The following CDC14A variants were observed in gnomAD, a reference collection of about 807,000 sequenced individuals.
The protein encoded by CDC14A is dual specificity protein phosphatase CDC14A.
Under a neutral mutation model 74.4 loss-of-function variants are expected in CDC14A, and 53 were observed. The observed-to-expected ratio is 0.71, with a 90% CI of 0.57 to 0.89. The LOEUF is 0.89. CDC14A is among the 40% of genes least tolerant of loss of function. The pLI, the probability that CDC14A is intolerant of heterozygous loss-of-function variation, is 0.00. For missense variants in CDC14A, 646 were observed against 713.7 expected (o/e 0.91, Z 1.08); for synonymous variants, 247 against 258.4 (o/e 0.96, Z 0.43).
At chr1:100,402,370 T>A (rs1424474824) in intron 4 of CDC14A, among the ~76,000 whole-genome samples, 21 of 152,288 alleles carry the variant, frequency 1.4e-4, no homozygotes, top group Non-Finnish European at 1.0e-4. Context: ...AGCTACAGGC[T>A]TCCAATCAAT....
At chr1:100,432,380 A>T (rs1195721897) in intron 5 of CDC14A, among the ~76,000 whole-genome samples, 1 of 152,256 alleles carries the variant, frequency 6.6e-6, no homozygotes, top group Non-Finnish European at 1.5e-5. Flanking sequence ...CGGACAATAT[A>T]GTCTGCAGCT....
At chr1:100,436,993 C>A (rs1664416904) in intron 5 of CDC14A, among the ~76,000 whole-genome samples, 1 of 152,138 alleles carries the variant, frequency 6.6e-6, no homozygotes, top group African/African-American at 2.4e-5. Flanking sequence ...CCAGACCAGT[C>A]TGGGCAACAT....
chr1:100,366,157 G>T (rs986998355), intron 2 of CDC14A, among the ~76,000 whole-genome samples: 1 of 152,082 alleles, frequency 6.6e-6, no homozygotes, highest in Non-Finnish European at 1.5e-5. Flanking sequence ...CAGCAGTGCT[G>T]GTAAAACATT....
In CDC14A at chr1:100,377,609, C is replaced by T; in HGVS notation, c.204C>T (p.Asn68=). Residue 68 remains asparagine, a synonymous_variant, in exon 3 of 16, where the codon AAC becomes AAT. Coordinates refer to ENST00000336454, the MANE Select transcript of CDC14A (RefSeq NM_003672.4). ...TGTACAGATATTGCTGCAAACTAAA[C>T]AAGAAACTAAAAGTGAGTATTGTAG... ...AMVYRYCCKL[N]KKLKSYSLSR... 2 of 1,610,906 alleles carry T rather than the reference C, an allele frequency of 1.2e-6. No homozygotes were observed. Among genetic ancestry groups the T allele is most frequent in the Non-Finnish European group, 8.5e-7 (1 of 1,177,404 alleles).
intron 4 of CDC14A, among the ~76,000 whole-genome samples, chr1:100,419,660 A>G (rs964673865): frequency 2.6e-5 from 4 of 152,090 alleles, no homozygotes; most frequent in African/African-American, 9.7e-5. Context: ...CTTTTTTGGC[A>G]TAAGTCTTCC....
Position 100,455,428 on chromosome 1 carries a change from C to T in CDC14A, c.543C>T (p.Asn181=). 1 of 1,603,130 alleles carries T rather than the reference C, an allele frequency of 6.2e-7. No individual in the cohort carries two copies. Among genetic ancestry groups the T allele is most frequent in the Non-Finnish European group, 8.5e-7 (1 of 1,176,566 alleles). Residue 181 remains asparagine, a synonymous_variant, in exon 8 of 16, where the codon AAC becomes AAT. Transcript: ENST00000336454. ...AGCGAGTTGAAAATGGTGACTTCAA[C>T]TGGATTGTTCCAGGAAAATTTTTAG... The part of the protein sequence containing the change: ...HYERVENGDF[N]WIVPGKFLAF...
chr1:100,448,025 G>A (rs552232035), intron 7 of CDC14A, among the ~76,000 whole-genome samples: 6 of 152,162 alleles, frequency 3.9e-5, no homozygotes, highest in Admixed American at 1.3e-4. Flanking sequence ...AGTGTGATGC[G>A]GTAGCAGTGT....
At chr1:100,452,289 A>G (rs768677258) in intron 7 of CDC14A, among the ~76,000 whole-genome samples, 9 of 152,122 alleles carry the variant, frequency 5.9e-5, no homozygotes, top group Non-Finnish European at 1.3e-4. Context: ...AGGTGGGTGG[A>G]TCATGAGGTC....
intron 1 of CDC14A, among the ~76,000 whole-genome samples, chr1:100,345,658 A>G (rs1245746132): frequency 1.3e-5 from 2 of 152,166 alleles, no homozygotes; most frequent in African/African-American, 4.8e-5. Flanking sequence ...TTATTTATAC[A>G]TTCTCCAAAT....
intron 8 of CDC14A, chr1:100,462,301 G>A (rs1322845252): frequency 3.8e-6 from 1 of 260,052 alleles, no homozygotes; most frequent in South Asian, 4.6e-5. Context: ...GCTCAAGAGA[G>A]AATAAAGTCA....
chr1:100,382,390 ATT>A (rs59014809), intron 3 of CDC14A, among the ~76,000 whole-genome samples: 15,984 of 115,106 alleles, frequency 0.14, 991 homozygotes, highest in Non-Finnish European at 0.18. Context: ...CCAGCTAACT[ATT>A]TTTTTTTTTT....
chr1:100,431,465 G>A (rs1172361644), intron 5 of CDC14A, among the ~76,000 whole-genome samples: 1 of 152,078 alleles, frequency 6.6e-6, no homozygotes, highest in East Asian at 1.9e-4. Flanking sequence ...AATGAACATA[G>A]TAATAGTTAT....
upstream of CDC14A, among the ~76,000 whole-genome samples, chr1:100,348,952 T>C (rs1650679767): frequency 6.6e-6 from 1 of 152,204 alleles, no homozygotes; most frequent in African/African-American, 2.4e-5. Context: ...TCCAGCACTT[T>C]GGGATCCTGA....
chr1:100,459,565 T>A (rs1291872301), intron 8 of CDC14A, among the ~76,000 whole-genome samples: 1 of 152,234 alleles, frequency 6.6e-6, no homozygotes, highest in Non-Finnish European at 1.5e-5. Flanking sequence ...CATTTGACTC[T>A]GCTGTTCTTC....
At chr1:100,470,358 C>G (rs1218659067) in intron 10 of CDC14A, among the ~76,000 whole-genome samples, 1 of 151,640 alleles carries the variant, frequency 6.6e-6, no homozygotes, top group Non-Finnish European at 1.5e-5. Context: ...AATGGTGATG[C>G]TTTTCCTGTA....
At chr1:100,435,098 A>G (rs972241733) in intron 5 of CDC14A, among the ~76,000 whole-genome samples, 8 of 152,168 alleles carry the variant, frequency 5.3e-5, no homozygotes, top group African/African-American at 1.7e-4. Context: ...AATACACACT[A>G]AAGTTTTAGA....
chr1:100,375,937 G>A (rs911978922), intron 2 of CDC14A, among the ~76,000 whole-genome samples: 9 of 152,004 alleles, frequency 5.9e-5, no homozygotes, highest in Non-Finnish European at 1.0e-4. Context: ...AGAAAATGTG[G>A]CACGTATACA....
chr1:100,424,215 G>A lies in CDC14A; in HGVS notation c.310-7G>A. ...GTGTTCTAAATGTTACTATTTATCT[G>A]TCTTAGGTAATCTATTTAAAGAAGA... On this transcript the variant is annotated splice_polypyrimidine_tract_variant and splice_region_variant and intron_variant, in intron 4 of 15. Coordinates refer to ENST00000336454, the MANE Select transcript of CDC14A (RefSeq NM_003672.4). The A allele has an allele frequency of 6.2e-7, 1 of 1,601,668 alleles. No homozygotes were observed.
chr1:100,458,020 TG>T (rs1666904320), intron 8 of CDC14A, among the ~76,000 whole-genome samples: 1 of 152,230 alleles, frequency 6.6e-6, no homozygotes, highest in African/African-American at 2.4e-5. Context: ...AAACAATTTT[TG>T]GTCCTATATT....
Sources: gnomAD v4.1 joint callset for allele counts (sites outside exome capture counted in the v4.1 genomes callset) on GRCh38, gnomAD v4.1.1 for gene constraint, MANE v1.5 for transcripts, NCBI Gene and HGNC (gene_info 2026-07-23, HGNC 2026-07-21) for gene names.